Variants in MAGEA4 observed in about 807,000 individuals in gnomAD.
MAGEA4 encodes the protein melanoma-associated antigen 4.
A neutral mutation model predicts 13.7 loss-of-function variants in MAGEA4; 1 was observed. The ratio of observed to expected loss-of-function variants is 0.07; its 90% confidence interval spans 0.03 to 0.35. The LOEUF is 0.35. Among genes scored for constraint, MAGEA4 ranks in the 10% least tolerant of loss-of-function variants. The pLI, the probability that MAGEA4 is intolerant of heterozygous loss-of-function variation, is 0.99. For missense variants in MAGEA4, 312 were observed against 245.1 expected (o/e 1.27, Z -1.82); for synonymous variants, 132 against 101.1 (o/e 1.31, Z -1.83).
In MAGEA4 at chrX:151,913,576, G is replaced by A. The variant is rs1225945780; in HGVS notation, c.-138+607G>A. The A allele has an allele frequency of 7.8e-5, 58 of 746,917 alleles. No homozygotes were observed. In the African/African-American group the frequency reaches 1.3e-3, roughly 17 times the overall value. The allele number at this position is 746,917 out of a possible 1,213,427, so 61.6% of individuals were successfully genotyped here. A position where few individuals can be genotyped will look rare whatever the true frequency, so the allele number is the denominator to read the frequency against. On this transcript the variant is annotated intron_variant, in intron 1 of 2. Coordinates refer to ENST00000276344, the MANE Select transcript of MAGEA4 (RefSeq NM_001011548.1). ...GGCGGAGGGAAGCGGGCCAGGCCCT[G>A]TGAGGAGTCAAGGTGAGACGCTGAG...
intron 1 of MAGEA4, chrX:151,913,411 C>T: frequency 2.1e-6 from 1 of 483,969 alleles, no homozygotes; most frequent in Non-Finnish European, 2.5e-6. Context: ...TCACCCCTCC[C>T]ACCCCCATCC....
intron 1 of MAGEA4, among the ~76,000 whole-genome samples, chrX:151,921,092 G>A (rs913980370): frequency 2.7e-5 from 3 of 112,275 alleles, no homozygotes; most frequent in Admixed American, 1.9e-4. Context: ...AAACCTGAGA[G>A]GGAACTGAGG....
At chrX:151,918,075 C>G (rs1270902830) in intron 1 of MAGEA4, among the ~76,000 whole-genome samples, 1 of 55,495 alleles carries the variant, frequency 1.8e-5, no homozygotes, top group East Asian at 5.7e-4. Context: ...AAACCGGGGC[C>G]CCTCCACCAA....
At chrX:151,921,556 C>T (rs900684964) in intron 1 of MAGEA4, among the ~76,000 whole-genome samples, 4 of 112,149 alleles carry the variant, frequency 3.6e-5, no homozygotes, top group South Asian at 3.7e-4. Context: ...TGCCTGGCAT[C>T]GGGGTCAGGA....
intron 1 of MAGEA4, chrX:151,918,169 G>A (rs1179090371): frequency 6.4e-5 from 1 of 15,726 alleles, no homozygotes; most frequent in Non-Finnish European, 1.2e-4. Context: ...CCCCTCCACC[G>A]ACCTCCCCCC....
chrX:151,919,356 C>T (rs1410918864), intron 1 of MAGEA4, among the ~76,000 whole-genome samples: 3 of 90,114 alleles, frequency 3.3e-5, no homozygotes, highest in East Asian at 3.6e-4. Context: ...AACCCATCCG[C>T]GCCCCCATCC....
Position 151,924,819 on chromosome X carries a change from G to C in MAGEA4, c.*201G>C. The C allele has an allele frequency of 2.6e-6, 1 of 390,208 alleles. No homozygotes were observed. Among genetic ancestry groups the C allele is most frequent in the Non-Finnish European group, 4.3e-6 (1 of 230,759 alleles). 32.2% of individuals were successfully genotyped at this position (390,208 alleles called of 1,213,427 possible). A position where few individuals can be genotyped will look rare whatever the true frequency, so the allele number is the denominator to read the frequency against. On this transcript the variant is annotated 3_prime_UTR_variant, in exon 3 of 3. Coordinates refer to ENST00000276344, the MANE Select transcript of MAGEA4 (RefSeq NM_001011548.1). The stretch of plus-strand genomic sequence containing the variant: ...TTTATCTCTGTTTCCTTTTACAATT[G>C]TTGAAATGTTCCTTTTAATGGATGG...
intron 1 of MAGEA4, among the ~76,000 whole-genome samples, chrX:151,921,024 C>T (rs746022111): frequency 8.9e-5 from 10 of 111,948 alleles, no homozygotes; most frequent in Non-Finnish European, 1.7e-4. Context: ...TTGGTGTGAT[C>T]AGGGAAGGGC....
At chrX:151,920,634 C>A (rs1933388079) in intron 1 of MAGEA4, among the ~76,000 whole-genome samples, 1 of 95,333 alleles carries the variant, frequency 1.0e-5, no homozygotes, top group Non-Finnish European at 2.1e-5. Flanking sequence ...CCTCCCCAAC[C>A]CCCCAACCAG....
chrX:151,923,733 G>A lies in MAGEA4; in HGVS notation c.69G>A (p.Leu23=), dbSNP rs1197115787. The A allele has an allele frequency of 2.5e-6, 3 of 1,210,871 alleles. No homozygotes were observed. Among genetic ancestry groups the A allele is most frequent in the Non-Finnish European group, 2.2e-6 (2 of 895,351 alleles). ...GCGTTGAGGCCCAAGAAGAGGCCCTGGGCCTGGTGGGTGCACAGGCTCCTA... is the reference window on the plus strand; with the variant it reads ...GCGTTGAGGCCCAAGAAGAGGCCCTAGGCCTGGTGGGTGCACAGGCTCCTA... The part of the protein sequence containing the change: ...EEGVEAQEEA[L]GLVGAQAPTT... Residue 23 remains leucine (L), a synonymous_variant, in exon 3 of 3, where the codon CTG becomes CTA. Transcript: ENST00000276344.
At chrX:151,912,716 A>G, upstream of MAGEA4, 1 of 122,599 alleles carries the variant, frequency 8.2e-6, no homozygotes, top group Non-Finnish European at 1.4e-5. Context: ...CCACCCTCAT[A>G]CCCCCATCCC....
In MAGEA4 at chrX:151,924,734, T is replaced by G; in HGVS notation, c.*116T>G. On this transcript the variant is annotated 3_prime_UTR_variant, in exon 3 of 3. Transcript: ENST00000276344. The stretch of plus-strand genomic sequence containing the variant: ...ACATGAGGCCCATTCTTCACTCTGT[T>G]TGAAGAAAATAGTCAGTGTTCTTAG... The G allele has an allele frequency of 3.9e-6, 3 of 766,643 alleles. No homozygotes were observed. Among genetic ancestry groups the G allele is most frequent in the Non-Finnish European group, 5.5e-6 (3 of 548,932 alleles). 63.2% of individuals were successfully genotyped at this position (766,643 alleles called of 1,213,427 possible). A position where few individuals can be genotyped will look rare whatever the true frequency, so the allele number is the denominator to read the frequency against.
chrX:151,923,324 A>C, intron 1 of MAGEA4, 129 bp from the exon 2 acceptor site: 1 of 378,020 alleles, frequency 2.6e-6, no homozygotes, highest in South Asian at 3.0e-5. Context: ...ATGCACACCA[A>C]GGGCCCCACC....
intron 1 of MAGEA4, chrX:151,913,424 G>T: frequency 3.4e-6 from 1 of 294,708 alleles, no homozygotes. Context: ...CCCCATCCAC[G>T]CTGAATCGGG....
At chrX:151,915,637 G>C (rs1603065002) in intron 1 of MAGEA4, 1 of 65,614 alleles carries the variant, frequency 1.5e-5, no homozygotes, top group Non-Finnish European at 2.0e-5. Flanking sequence ...GAGGAGTCAA[G>C]GTGAGACGCT....
At chrX:151,920,463 T>C (rs1399484628) in intron 1 of MAGEA4, among the ~76,000 whole-genome samples, 1 of 109,467 alleles carries the variant, frequency 9.1e-6, no homozygotes, top group Non-Finnish European at 1.9e-5. Flanking sequence ...CAGAGCTTGG[T>C]GTGATCAGTG....
chrX:151,920,349 C>T lies in MAGEA4; in HGVS notation c.-137-3104C>T, dbSNP rs377169952. On this transcript the variant is annotated intron_variant, in intron 1 of 2. Coordinates refer to ENST00000276344, the MANE Select transcript of MAGEA4 (RefSeq NM_001011548.1). ...CCCCAGATAGACGACCCCAAATAAT[C>T]CGGCACCCCTCCTGCTTCCAGTCCT... 2.7e-5 allele frequency among the ~76,000 whole-genome samples: 3 copies of T among 109,995 alleles called. No homozygotes were observed. The East Asian group carries it at 8.8e-4, about 32-fold the overall frequency.
At chrX:151,919,661 C>T in intron 1 of MAGEA4, 16 of 753,856 alleles carry the variant, frequency 2.1e-5, no homozygotes, top group South Asian at 6.8e-5. Flanking sequence ...GCGAGCTGCT[C>T]TGTCTGACCA....
chrX:151,924,075 GGA>G lies in MAGEA4; in HGVS notation c.417_418del (p.Arg139SerfsTer27), dbSNP rs1445720021. On this transcript the variant is annotated frameshift_variant, in exon 3 of 3. Transcript: ENST00000276344. LOFTEE classifies it high-confidence loss of function. ...AGCTGGTCACAAAGGCAGAAATGCT[GGA>G]GAGAGTCATCAAAAATTACAAGCGC... ...KELVTKAEMLERVIKNYKRCF... is the reference protein window; with the variant it reads ...KELVTKAEMLXRVIKNYKRCF... 1 of 1,210,836 alleles carries G rather than the reference GGA, an allele frequency of 8.3e-7. No homozygotes were observed. Among genetic ancestry groups the G allele is most frequent in the Non-Finnish European group, 1.1e-6 (1 of 895,434 alleles).
Sources: gnomAD v4.1 joint callset for allele counts (sites outside exome capture counted in the v4.1 genomes callset) on GRCh38, gnomAD v4.1.1 for gene constraint, MANE v1.5 for transcripts, NCBI Gene and HGNC (gene_info 2026-07-23, HGNC 2026-07-21) for gene names.